ANO4: variants seen among roughly 807,000 people sequenced by gnomAD.
ANO4 encodes the protein anoctamin-4.
Under a neutral mutation model 141.9 loss-of-function variants are expected in ANO4, and 69 were observed. The observed-to-expected ratio is 0.49, with a 90% CI of 0.40 to 0.59. ANO4 has a LOEUF of 0.59. ANO4 is among the 20% of genes least tolerant of loss of function. The probability of loss-of-function intolerance (pLI) is 0.00; values close to 1 mark genes in which losing one functional copy is unlikely to be tolerated. For synonymous variants in ANO4, 350 were observed against 394.3 expected, an observed-to-expected ratio of 0.89 and a Z score of 1.33; for missense variants, 894 against 1,162.2, an observed-to-expected ratio of 0.77 and a Z score of 3.36.
At chr12:100,864,253 T>C (rs1051503146) in intron 1 of ANO4, among the ~76,000 whole-genome samples, 7 of 152,180 alleles carry the variant, frequency 4.6e-5, no homozygotes, top group African/African-American at 1.7e-4. Context: ...TCTGACAGGC[T>C]TGGGTCACTT....
intron 9 of ANO4, among the ~76,000 whole-genome samples, chr12:101,028,389 T>C (rs778392716): frequency 6.6e-6 from 1 of 152,138 alleles, no homozygotes; most frequent in Non-Finnish European, 1.5e-5. Context: ...CACTGAGCTC[T>C]AGGAGCATGT....
intron 1 of ANO4, among the ~76,000 whole-genome samples, chr12:100,845,757 A>G (rs1227645279): frequency 6.6e-6 from 1 of 152,202 alleles, no homozygotes; most frequent in Non-Finnish European, 1.5e-5. Context: ...AAAAAGTAAC[A>G]TTTTATCATA....
At chr12:100,923,667 G>C (rs1352363172) in intron 3 of ANO4, among the ~76,000 whole-genome samples, 1 of 152,114 alleles carries the variant, frequency 6.6e-6, no homozygotes, top group Non-Finnish European at 1.5e-5. Flanking sequence ...TGGGATTGCT[G>C]GGTCAAATGG....
upstream of ANO4, among the ~76,000 whole-genome samples, chr12:100,794,110 ACAGT>A (rs970578847): frequency 6.6e-6 from 1 of 152,216 alleles, no homozygotes; most frequent in African/African-American, 2.4e-5. Context: ...ATGAAGATTG[ACAGT>A]CAAATTCCTG....
intron 9 of ANO4, among the ~76,000 whole-genome samples, chr12:101,029,837 G>A (rs1440510020): frequency 7.0e-6 from 1 of 142,444 alleles, no homozygotes; most frequent in Non-Finnish European, 1.5e-5. Context: ...TTGAGCCCGG[G>A]AGACAGAGAT....
At chr12:101,084,999 C>A (rs73379474) in intron 16 of ANO4, among the ~76,000 whole-genome samples, 8,707 of 152,250 alleles carry the variant, frequency 0.057, 776 homozygotes, top group African/African-American at 0.19. Context: ...GTCTCCTGAT[C>A]AACAGCACTA....
At chr12:101,024,930 A>G (rs1295943639) in intron 9 of ANO4, among the ~76,000 whole-genome samples, 2 of 152,234 alleles carry the variant, frequency 1.3e-5, no homozygotes, top group Non-Finnish European at 2.9e-5. Context: ...TGAAAAGTGA[A>G]TCAGTGCATG....
intron 4 of ANO4, among the ~76,000 whole-genome samples, chr12:100,940,101 A>T (rs766501361): frequency 2.0e-5 from 3 of 151,994 alleles, no homozygotes; most frequent in Non-Finnish European, 4.4e-5. Flanking sequence ...TGCTAAAAGG[A>T]TGACACCTGG....
At chr12:100,810,584 G>C (rs530808299) in intron 1 of ANO4, among the ~76,000 whole-genome samples, 1 of 152,154 alleles carries the variant, frequency 6.6e-6, no homozygotes, top group Non-Finnish European at 1.5e-5. Flanking sequence ...GGGAGGTGAT[G>C]ATGGACCAGG....
At chr12:101,047,560 G>A (rs1460954985) in intron 13 of ANO4, among the ~76,000 whole-genome samples, 1 of 151,952 alleles carries the variant, frequency 6.6e-6, no homozygotes, top group African/African-American at 2.4e-5. Context: ...TACTTTATAG[G>A]TAGCTATAAA....
At chr12:101,124,504 T>C (rs1298452070) in intron 26 of ANO4, among the ~76,000 whole-genome samples, 2 of 152,236 alleles carry the variant, frequency 1.3e-5, no homozygotes, top group Non-Finnish European at 2.9e-5. Context: ...TTTTCTTTTG[T>C]TGCAATTGCT....
chr12:100,955,753 G>A (rs890182354), intron 5 of ANO4, among the ~76,000 whole-genome samples: 1 of 152,208 alleles, frequency 6.6e-6, no homozygotes, highest in African/African-American at 2.4e-5. Flanking sequence ...ACTCTGCAGA[G>A]ATTTCAGGAA....
rs57640251 is a variant in ANO4 at position 100,797,130 on chromosome 12, G to GTATATA, written c.-141+2114_-141+2119dup. ...TGCAATTGTTTATATATATGTGTGT[G>GTATATA]TATATATATATATATACACACATAT... On this transcript the variant is annotated intron_variant, in intron 1 of 27. Transcript: ENST00000392977. 4.8e-3 allele frequency among the ~76,000 whole-genome samples: 723 copies of GTATATA among 149,302 alleles called. 4 individuals carry two copies. The highest frequency in any genetic ancestry group is 0.016 in the African/African-American group (644 of 40,620).
chr12:100,877,362 T>G (rs1415833444), intron 1 of ANO4, among the ~76,000 whole-genome samples: 2 of 151,352 alleles, frequency 1.3e-5, no homozygotes, highest in African/African-American at 4.8e-5. Flanking sequence ...TGATATTATA[T>G]ATATATATCA....
intron 1 of ANO4, among the ~76,000 whole-genome samples, chr12:100,725,516 T>C (rs2136757508): frequency 6.6e-6 from 1 of 151,958 alleles, no homozygotes; most frequent in East Asian, 1.9e-4. Flanking sequence ...CCGGCTAATT[T>C]TTTGTATTTT....
At position 101,086,752 on chromosome 12, in the gene ANO4, G is replaced by A. The variant is rs768792876; in HGVS notation, c.1629G>A (p.Arg543=). 9 of 1,613,852 alleles carry A rather than the reference G, an allele frequency of 5.6e-6. No individual in the cohort carries two copies. In the South Asian group the frequency reaches 9.9e-5, roughly 18 times the overall value. The change falls in exon 17 of 28, where the codon AGG becomes AGA. Residue 543 remains arginine, a synonymous_variant. Coordinates refer to ENST00000392977, the MANE Select transcript of ANO4 (RefSeq NM_001286615.2). The part of the protein sequence containing the change: ...TFAAFKWALI[R]NNSQVATTGT... ...CTGCCTTTAAGTGGGCGTTAATCAG[G>A]AATAACTCTCAGGTTGCAACCACAG... is the stretch of plus-strand genomic sequence containing the variant.
At chr12:100,767,605 A>G (rs1372411522) in intron 3 of ANO4, among the ~76,000 whole-genome samples, 1 of 152,194 alleles carries the variant, frequency 6.6e-6, no homozygotes, top group Non-Finnish European at 1.5e-5. Context: ...GGATAAAGGG[A>G]TGATTCATTT....
intron 9 of ANO4, among the ~76,000 whole-genome samples, chr12:101,035,183 A>T (rs1255005631): frequency 6.6e-6 from 1 of 152,222 alleles, no homozygotes; most frequent in Non-Finnish European, 1.5e-5. Context: ...ACAAATTATT[A>T]CATGTGATGG....
At chr12:100,756,322 A>G (rs1238188155) in intron 3 of ANO4, among the ~76,000 whole-genome samples, 1 of 152,288 alleles carries the variant, frequency 6.6e-6, no homozygotes, top group South Asian at 2.1e-4. Context: ...GAAATTGAAG[A>G]TACCATTTTA....
Sources: allele counts gnomAD v4.1 joint callset (sites outside exome capture counted in the v4.1 genomes callset), GRCh38; gene constraint gnomAD v4.1.1; transcripts MANE v1.5; gene names NCBI Gene and HGNC (gene_info 2026-07-23, HGNC 2026-07-21).